Variants in SLC6A3 observed in about 807,000 individuals in gnomAD.
SLC6A3 encodes solute carrier family 6 member 3, also known as sodium-dependent dopamine transporter.
A neutral mutation model predicts 70.4 loss-of-function variants in SLC6A3; 19 were observed. The ratio of observed to expected loss-of-function variants is 0.27; its 90% confidence interval spans 0.19 to 0.40. The LOEUF (loss-of-function observed/expected upper bound fraction) is 0.40. Ranked by LOEUF, SLC6A3 falls within the 10% of genes least tolerant of loss-of-function variation. SLC6A3 has a pLI of 1.00. For synonymous variants in SLC6A3, 368 were observed against 356.6 expected, an observed-to-expected ratio of 1.03 and a Z score of -0.36; for missense variants, 613 against 838.5, an observed-to-expected ratio of 0.73 and a Z score of 3.32.
chr5:1,438,153 T>C lies in SLC6A3; in HGVS notation c.418+3206A>G, dbSNP rs964725233. 6.6e-6 allele frequency among the ~76,000 whole-genome samples: 1 copy of C among 152,236 alleles called. No homozygotes were observed. The highest frequency in any genetic ancestry group is 1.5e-5 in the Non-Finnish European group (1 of 68,038). ...CAGCTTTCTTGCACTGATTCATCTA[T>C]CCCTTCGTGGGTCGAACAGTTCACT... On this transcript the variant is annotated intron_variant, in intron 3 of 14. Coordinates refer to ENST00000270349, the MANE Select transcript of SLC6A3 (RefSeq NM_001044.5). The surrounding 1 kb of genome is among the most constrained non-coding windows in gnomAD (Gnocchi z 6.5).
In SLC6A3 at chr5:1,404,636, G is replaced by A. The variant is rs147484255; in HGVS notation, c.1600-1547C>T. On this transcript the variant is annotated intron_variant, in intron 12 of 14. Coordinates refer to ENST00000270349, the MANE Select transcript of SLC6A3 (RefSeq NM_001044.5). This position sits in a 1 kb window ranked among gnomAD's most constrained non-coding sequence, Gnocchi z 5.2. Reference sequence around the variant, plus strand: ...CGACCAGAGGTTAGCACACGCCAGAGGGCAGGGGACTATGCCGCAGCCTGA... The same window carrying A: ...CGACCAGAGGTTAGCACACGCCAGAAGGCAGGGGACTATGCCGCAGCCTGA... 4.0e-4 allele frequency among the ~76,000 whole-genome samples: 61 copies of A among 152,368 alleles called. No homozygotes were observed. In the East Asian group the frequency reaches 0.011, roughly 27 times the overall value.
intron 1 of SLC6A3, among the ~76,000 whole-genome samples, chr5:1,444,360 A>T (rs1389001864): frequency 6.6e-6 from 1 of 151,322 alleles, no homozygotes; most frequent in Non-Finnish European, 1.5e-5. Flanking sequence ...ACGCACACAC[A>T]GACACACAGA....
At chr5:1,409,569 C>T in intron 10 of SLC6A3, 152 bp downstream of exon 10, 1 of 875,782 alleles carries the variant, frequency 1.1e-6, no homozygotes, top group East Asian at 2.4e-5. Context: ...TTACCCTGTG[C>T]ACTGCTACGA....
At position 1,397,896 on chromosome 5, in the gene SLC6A3, G is replaced by A. The variant is rs1755760010; in HGVS notation, c.1839+3019C>T. On this transcript the variant is annotated intron_variant, in intron 14 of 14. Coordinates refer to ENST00000270349, the MANE Select transcript of SLC6A3 (RefSeq NM_001044.5). This position sits in a 1 kb window ranked among gnomAD's most constrained non-coding sequence, Gnocchi z 4.7. Reference sequence around the variant, plus strand: ...AAATAATAACAGGAACAAGAACAATGACAGTGTCTAATTTGTGGGTTAAAA... The same window carrying A: ...AAATAATAACAGGAACAAGAACAATAACAGTGTCTAATTTGTGGGTTAAAA... Among the ~76,000 whole-genome samples the A allele has an allele frequency of 6.6e-6, 1 of 152,170 alleles. No homozygotes were observed. The highest frequency in any genetic ancestry group is 2.4e-5 in the African/African-American group (1 of 41,442).
rs1336178364 is a variant in SLC6A3, at chr5:1,436,928, A to G, written c.419-4230T>C. 6.6e-6 allele frequency among the ~76,000 whole-genome samples: 1 copy of G among 152,018 alleles called. No individual in the cohort carries two copies. Among genetic ancestry groups the G allele is most frequent in the Admixed American group, 6.5e-5 (1 of 15,270 alleles). ...TGGTGGAGCAGCCCCTCCATACCTC[A>G]CAGGAGGCATCAAGCAGGTCTTTGG... On this transcript the variant is annotated intron_variant, in intron 3 of 14. Transcript: ENST00000270349. This position sits in a 1 kb window ranked among gnomAD's most constrained non-coding sequence, Gnocchi z 5.2.
chr5:1,402,841 T>G lies in SLC6A3; in HGVS notation c.1767+81A>C. ...CTTGGTCACAGATGACCCAGGCAGG[T>G]GAGGACTGGGGCCATGGACACCCAC... On this transcript the variant is annotated intron_variant, in intron 13 of 14. Coordinates refer to ENST00000270349, the MANE Select transcript of SLC6A3 (RefSeq NM_001044.5). The surrounding 1 kb of genome is among the most constrained non-coding windows in gnomAD (Gnocchi z 8.5). The G allele has an allele frequency of 7.1e-7, 1 of 1,401,172 alleles. No homozygotes were observed. The highest frequency in any genetic ancestry group is 1.0e-6 in the Non-Finnish European group (1 of 1,003,920). The allele number at this position is 1,401,172 out of a possible 1,614,324, so 86.8% of individuals were successfully genotyped here.
At chr5:1,440,343 AATGGATGG>A (rs577017974) in intron 3 of SLC6A3, among the ~76,000 whole-genome samples, 6 of 151,622 alleles carry the variant, frequency 4.0e-5, no homozygotes, top group Admixed American at 2.6e-4. Flanking sequence ...ATCAATAGAT[AATGGATGG>A]ATGGATGGAT....
In SLC6A3 at chr5:1,439,228, C is replaced by T. The variant is rs577834200; in HGVS notation, c.418+2131G>A. 1.4e-4 allele frequency among the ~76,000 whole-genome samples: 21 copies of T among 150,634 alleles called. 1 individual carries two copies. In the East Asian group the frequency reaches 2.2e-3, roughly 15 times the overall value. On this transcript the variant is annotated intron_variant, in intron 3 of 14. Coordinates refer to ENST00000270349, the MANE Select transcript of SLC6A3 (RefSeq NM_001044.5). Reference sequence around the variant, plus strand: ...AGGCATGTTCTGAGCAATTCTTGTACGGTTTGACTTCTACCTGCAGATCCC... The same window carrying T: ...AGGCATGTTCTGAGCAATTCTTGTATGGTTTGACTTCTACCTGCAGATCCC...
At chr5:1,439,462 G>A (rs1213365185) in intron 3 of SLC6A3, among the ~76,000 whole-genome samples, 2 of 152,178 alleles carry the variant, frequency 1.3e-5, no homozygotes, top group African/African-American at 2.4e-5. Flanking sequence ...AATGAGTCTC[G>A]TGCCTGGGAA....
In SLC6A3 at chr5:1,436,391, G is replaced by A. The variant is rs745572807; in HGVS notation, c.419-3693C>T. On this transcript the variant is annotated intron_variant, in intron 3 of 14. Transcript: ENST00000270349. This position sits in a 1 kb window ranked among gnomAD's most constrained non-coding sequence, Gnocchi z 5.2. ...TTTCTTAAACACCATTTAGTGACACGGGAGACTGTCTCCCCAAGGAGGTGG... is the reference window on the plus strand; with the variant it reads ...TTTCTTAAACACCATTTAGTGACACAGGAGACTGTCTCCCCAAGGAGGTGG... Among the ~76,000 whole-genome samples the A allele has an allele frequency of 1.3e-5, 2 of 152,130 alleles. No individual in the cohort carries two copies. The highest frequency in any genetic ancestry group is 2.4e-5 in the African/African-American group (1 of 41,422).
chr5:1,394,436 C>A lies in SLC6A3; in HGVS notation c.*299G>T. The A allele has an allele frequency of 1.8e-6, 1 of 547,504 alleles. No homozygotes were observed. The highest frequency in any genetic ancestry group is 3.3e-6 in the Non-Finnish European group (1 of 303,988). The allele number at this position is 547,504 out of a possible 1,614,324, so 33.9% of individuals were successfully genotyped here. A position where few individuals can be genotyped will look rare whatever the true frequency, so the allele number is the denominator to read the frequency against. On this transcript the variant is annotated 3_prime_UTR_variant, in exon 15 of 15. Transcript: ENST00000270349. This position sits in a 1 kb window ranked among gnomAD's most constrained non-coding sequence, Gnocchi z 4.7. ...AGCAGGGAGCAGGGAGGGAGGGAGC[C>A]TCACACAGACAGCATGAAGTTAGAC...
intron 4 of SLC6A3, among the ~76,000 whole-genome samples, chr5:1,422,371 CCCAGTGCTGCCCAAGG>C (rs1756460036): frequency 6.8e-6 from 1 of 147,154 alleles, no homozygotes; most frequent in African/African-American, 2.5e-5. Flanking sequence ...CCCACCACTG[CCCAGTGCTGCCCAAGG>C]TGCTGGGTGC....
chr5:1,433,999 C>T (rs564041930), intron 3 of SLC6A3, among the ~76,000 whole-genome samples: 1 of 152,154 alleles, frequency 6.6e-6, no homozygotes, highest in Non-Finnish European at 1.5e-5. Flanking sequence ...CTACGGCCAC[C>T]CATGGCCATC....
Position 1,411,953 on chromosome 5 carries a change from C to G in SLC6A3, c.1157-598G>C, listed in dbSNP as rs1398620559. Among the ~76,000 whole-genome samples, 1 of 151,342 alleles carries G rather than the reference C, an allele frequency of 6.6e-6. No homozygotes were observed. The highest frequency in any genetic ancestry group is 2.5e-5 in the African/African-American group (1 of 40,632). On this transcript the variant is annotated intron_variant, in intron 8 of 14. Coordinates refer to ENST00000270349, the MANE Select transcript of SLC6A3 (RefSeq NM_001044.5). This position sits in a 1 kb window ranked among gnomAD's most constrained non-coding sequence, Gnocchi z 6.5. ...GCACATGCACGAACACTCATTTGTGCATTCAAACTCATACATGCAAGAACA... is the reference window on the plus strand; with the variant it reads ...GCACATGCACGAACACTCATTTGTGGATTCAAACTCATACATGCAAGAACA...
chr5:1,432,412 G>A, intron 4 of SLC6A3, 52 bp downstream of exon 4: 1 of 1,404,516 alleles, frequency 7.1e-7, no homozygotes, highest in Non-Finnish European at 1.0e-6. Context: ...GCTACCATGG[G>A]GGACCTGGCT....
intron 14 of SLC6A3, among the ~76,000 whole-genome samples, chr5:1,395,832 C>T (rs1006718098): frequency 1.3e-5 from 2 of 152,222 alleles, no homozygotes; most frequent in Non-Finnish European, 2.9e-5. Flanking sequence ...CTGTCCTGCC[C>T]GCTGACAGAA....
intron 4 of SLC6A3, among the ~76,000 whole-genome samples, chr5:1,431,120 C>T (rs928543269): frequency 3.3e-5 from 5 of 152,242 alleles, no homozygotes; most frequent in Non-Finnish European, 5.9e-5. Flanking sequence ...CCTGTCAGAA[C>T]GGCGACCCGG....
chr5:1,439,524 TCTC>T (rs1391797760), intron 3 of SLC6A3, among the ~76,000 whole-genome samples: 1 of 152,278 alleles, frequency 6.6e-6, no homozygotes, highest in South Asian at 2.1e-4. Context: ...GAGACTGACT[TCTC>T]CTCCTGGAGC....
At position 1,409,084 on chromosome 5, in the gene SLC6A3, G is replaced by A. The variant is rs766191360; in HGVS notation, c.1440C>T (p.Ala480=). 5.8e-5 allele frequency: 93 copies of A among 1,612,990 alleles called. No individual in the cohort carries two copies. The highest frequency in any genetic ancestry group is 7.7e-5 in the South Asian group (7 of 90,990). The part of the protein sequence containing the change: ...YVFTLLDHFA[A]GTSILFGVLI... ...GCACTCCAAAGAGGATGGACGTGCCGGCTGCAAAATGGTCCAGGAGCGTGA... is the reference window on the plus strand; with the variant it reads ...GCACTCCAAAGAGGATGGACGTGCCAGCTGCAAAATGGTCCAGGAGCGTGA... Residue 480 remains alanine (A), a synonymous_variant, in exon 11 of 15, where the codon GCC becomes GCT. Transcript: ENST00000270349.
Sources: allele counts gnomAD v4.1 joint callset (sites outside exome capture counted in the v4.1 genomes callset), GRCh38; gene constraint gnomAD v4.1.1; non-coding constraint Gnocchi (gnomAD v3.1); transcripts MANE v1.5; gene names NCBI Gene and HGNC (gene_info 2026-07-23, HGNC 2026-07-21).